EGR3: variants seen among roughly 807,000 people sequenced by gnomAD.
The protein encoded by EGR3 is early growth response protein 3.
EGR3 carries 4 observed loss-of-function variants against 22.4 expected under a neutral mutation model. That is an observed-to-expected ratio of 0.18 (90% CI 0.09 to 0.41). EGR3 has a LOEUF of 0.41. Among genes scored for constraint, EGR3 ranks in the 10% least tolerant of loss-of-function variants. EGR3 has a pLI of 1.00. For synonymous variants in EGR3, 219 were observed against 226.8 expected, an observed-to-expected ratio of 0.97 and a Z score of 0.31; for missense variants, 315 against 541.3, an observed-to-expected ratio of 0.58 and a Z score of 4.15.
rs1324201815 is a variant in EGR3, at chr8:22,691,424, G to A, written c.213C>T (p.Ser71=). The part of the protein sequence containing the change: ...NEKPNPELSY[S]GSFQPAPGNK... ...TGCCGGGGGCTGGCTGGAAGGAGCCGGAGTAAGAGAGTTCCGGGTTGGGCT... is the reference window on the plus strand; with the variant it reads ...TGCCGGGGGCTGGCTGGAAGGAGCCAGAGTAAGAGAGTTCCGGGTTGGGCT... Residue 71 remains serine, a synonymous_variant, in exon 2 of 2, where the codon TCC becomes TCT. Coordinates refer to ENST00000317216, the MANE Select transcript of EGR3 (RefSeq NM_004430.3). The A allele has an allele frequency of 3.1e-6, 5 of 1,614,170 alleles. No homozygotes were observed. Among genetic ancestry groups the A allele is most frequent in the East Asian group, 4.5e-5 (2 of 44,878 alleles).
At position 22,692,768 on chromosome 8, in the gene EGR3, C is replaced by T. The variant is rs993038273; in HGVS notation, c.154+23G>A. 1.2e-6 allele frequency: 2 copies of T among 1,612,490 alleles called. No individual in the cohort carries two copies. Among genetic ancestry groups the T allele is most frequent in the East Asian group, 2.2e-5 (1 of 44,858 alleles). ...CTCTCCCCTTCCTTCCTCGCTGCCT[C>T]GCCGCCTCCCCGCCGCCCTTACCTG... On this transcript the variant is annotated intron_variant, in intron 1 of 1. Coordinates refer to ENST00000317216, the MANE Select transcript of EGR3 (RefSeq NM_004430.3). The surrounding 1 kb of genome is among the most constrained non-coding windows in gnomAD (Gnocchi z 6.2).
Position 22,693,207 on chromosome 8 carries a change from C to A in EGR3, c.-263G>T, listed in dbSNP as rs538996021. On this transcript the variant is annotated 5_prime_UTR_variant, in exon 1 of 2. Transcript: ENST00000317216. ...CAGCTGGTGCGGTATGAGGCTGGGT[C>A]GTGGGGGGGGTGGGGCGTGTGCGGG... 1.5e-5 allele frequency: 1 copy of A among 66,468 alleles called. No individual in the cohort carries two copies. Among genetic ancestry groups the A allele is most frequent in the South Asian group, 3.8e-4 (1 of 2,656 alleles). 4.1% of individuals were successfully genotyped at this position (66,468 alleles called of 1,614,324 possible).
In EGR3 at chr8:22,691,518, G is replaced by A. The variant is rs1310772396; in HGVS notation, c.155-36C>T. On this transcript the variant is annotated intron_variant, in intron 1 of 1. Coordinates refer to ENST00000317216, the MANE Select transcript of EGR3 (RefSeq NM_004430.3). ...CGGGGGAGAGAGGGGAGGGGTGAGTGAAGCCGATCCGGCTCCGGGCCGCGG... is the reference window on the plus strand; with the variant it reads ...CGGGGGAGAGAGGGGAGGGGTGAGTAAAGCCGATCCGGCTCCGGGCCGCGG... 8.7e-6 allele frequency: 14 copies of A among 1,600,688 alleles called. No individual in the cohort carries two copies. In the African/African-American group the frequency reaches 1.7e-4, roughly 20 times the overall value.
chr8:22,693,081 G>C lies in EGR3; in HGVS notation c.-137C>G, dbSNP rs1298169905. On this transcript the variant is annotated 5_prime_UTR_variant, in exon 1 of 2. Coordinates refer to ENST00000317216, the MANE Select transcript of EGR3 (RefSeq NM_004430.3). ...AGCATGCGAGAGGGAAAGTTCGGGG[G>C]GAGGGGGGAGGGAAGAAGGGAAGGG... The C allele has an allele frequency of 6.9e-6, 7 of 1,013,032 alleles. 1 individual carries two copies. Among genetic ancestry groups the C allele is most frequent in the Non-Finnish European group, 8.1e-6 (6 of 737,904 alleles). 62.8% of individuals were successfully genotyped at this position (1,013,032 alleles called of 1,614,324 possible).
chr8:22,692,579 A>C lies in EGR3; in HGVS notation c.154+212T>G. On this transcript the variant is annotated intron_variant, in intron 1 of 1. Coordinates refer to ENST00000317216, the MANE Select transcript of EGR3 (RefSeq NM_004430.3). This position sits in a 1 kb window ranked among gnomAD's most constrained non-coding sequence, Gnocchi z 6.2. Reference sequence around the variant, plus strand: ...GTCGCCAACCTAGCCTTCTCGATCGAGGAGGGCGGGAGGAGTGGGTGGGAA... The same window carrying C: ...GTCGCCAACCTAGCCTTCTCGATCGCGGAGGGCGGGAGGAGTGGGTGGGAA... The C allele has an allele frequency of 7.9e-7, 1 of 1,269,978 alleles. No homozygotes were observed. The highest frequency in any genetic ancestry group is 3.3e-5 in the East Asian group (1 of 30,166). 78.7% of individuals were successfully genotyped at this position (1,269,978 alleles called of 1,614,324 possible).
Position 22,692,858 on chromosome 8 carries a change from G to T in EGR3, c.87C>A (p.Ile29=). 3 of 1,613,388 alleles carry T rather than the reference G, an allele frequency of 1.9e-6. No individual in the cohort carries two copies. Among genetic ancestry groups the T allele is most frequent in the Non-Finnish European group, 2.5e-6 (3 of 1,179,856 alleles). The change falls in exon 1 of 2, where the codon ATC becomes ATA. Residue 29 remains isoleucine (I), a synonymous_variant. Coordinates refer to ENST00000317216, the MANE Select transcript of EGR3 (RefSeq NM_004430.3). The surrounding 1 kb of genome is among the most constrained non-coding windows in gnomAD (Gnocchi z 6.2). ...CGGAGAAGAGGTTGAGCGCGCTGGG[G>T]ATCTCCTCGGGGTACAGATTGTCAG... is the stretch of plus-strand genomic sequence containing the variant. ...QLPDNLYPEE[I]PSALNLFSGS...
In EGR3 at chr8:22,691,018, G is replaced by C; in HGVS notation, c.619C>G (p.Pro207Ala). ...YHHPNDMGSI[P>A]EHKPFQGMDP... is the part of the protein sequence containing the mutation. The stretch of plus-strand genomic sequence containing the variant: ...ATGCCCTGGAAGGGCTTGTGCTCCG[G>C]AATGGAGCCCATGTCGTTGGGGTGG... The change falls in exon 2 of 2, where the codon CCG becomes GCG. Residue 207 changes from proline (P) to alanine (A), a missense_variant. By Grantham distance (27) the Pro-to-Ala change is conservative. Coordinates refer to ENST00000317216, the MANE Select transcript of EGR3 (RefSeq NM_004430.3). The C allele has an allele frequency of 6.3e-7, 1 of 1,594,954 alleles. No individual in the cohort carries two copies. Among genetic ancestry groups the C allele is most frequent in the Non-Finnish European group, 8.6e-7 (1 of 1,168,218 alleles).
chr8:22,692,644 T>A lies in EGR3; in HGVS notation c.154+147A>T, dbSNP rs985835982. ...CCGCAAAATTCCCAGCGCGCCCCCA[T>A]CTCTCCATCCATTTATCTATCCACC... On this transcript the variant is annotated intron_variant, in intron 1 of 1. Transcript: ENST00000317216. This position sits in a 1 kb window ranked among gnomAD's most constrained non-coding sequence, Gnocchi z 6.2. The A allele has an allele frequency of 5.0e-5, 70 of 1,395,706 alleles. 1 individual carries two copies. Among genetic ancestry groups the A allele is most frequent in the South Asian group, 2.2e-4 (15 of 69,408 alleles). 86.5% of individuals were successfully genotyped at this position (1,395,706 alleles called of 1,614,324 possible).
In EGR3 at chr8:22,690,486, G is replaced by T; in HGVS notation, c.1151C>A (p.Thr384Asn). 6.2e-7 allele frequency: 1 copy of T among 1,604,426 alleles called. No individual in the cohort carries two copies. Among genetic ancestry groups the T allele is most frequent in the Non-Finnish European group, 8.5e-7 (1 of 1,174,186 alleles). The change falls in exon 2 of 2, where the codon ACC becomes AAC. Residue 384 changes from threonine to asparagine, a missense_variant. Thr to Asn is a moderately conservative substitution (Grantham distance 65, BLOSUM62 0). Transcript: ENST00000317216. ...GGGGCCCGATCCTCAGGCGCAGGTG[G>T]TGACCACGGGGGCCAGCGACACGGG... is the stretch of plus-strand genomic sequence containing the variant. ...APPVSLAPVV[T>N]TCA
chr8:22,691,558 C>T, intron 1 of EGR3, 76 bp from the exon 2 acceptor site: 1 of 1,556,776 alleles, frequency 6.4e-7, no homozygotes, highest in Admixed American at 1.8e-5. Context: ...CAGGTCCTTG[C>T]CCAGGTGCGG....
At position 22,692,992 on chromosome 8, in the gene EGR3, G is replaced by A. The variant is rs1430537049; in HGVS notation, c.-48C>T. ...CGCCGCCACCGCCGCCACCGCCGCCGCTCGCTCCTAACGCAGCTTCCAGGC... is the reference window on the plus strand; with the variant it reads ...CGCCGCCACCGCCGCCACCGCCGCCACTCGCTCCTAACGCAGCTTCCAGGC... On this transcript the variant is annotated 5_prime_UTR_variant, in exon 1 of 2. Coordinates refer to ENST00000317216, the MANE Select transcript of EGR3 (RefSeq NM_004430.3). The surrounding 1 kb of genome is among the most constrained non-coding windows in gnomAD (Gnocchi z 6.2). 2.5e-6 allele frequency: 4 copies of A among 1,583,120 alleles called. No homozygotes were observed. The highest frequency in any genetic ancestry group is 3.5e-5 in the Admixed American group (2 of 57,782).
In EGR3 at chr8:22,692,827, T is replaced by C; in HGVS notation, c.118A>G (p.Ser40Gly). Residue 40 changes from serine to glycine, a missense_variant, in exon 1 of 2, where the codon AGC becomes GGC. Around this residue, in one of 4 missense-constraint regions of EGR3, gnomAD observed 227 missense variants for 303.6 expected, o/e 0.75. Coordinates refer to ENST00000317216, the MANE Select transcript of EGR3 (RefSeq NM_004430.3). This position sits in a 1 kb window ranked among gnomAD's most constrained non-coding sequence, Gnocchi z 6.2. Reference protein sequence around the residue: ...PSALNLFSGSSDSVVHYNQMA... With the variant: ...PSALNLFSGSGDSVVHYNQMA... ...TGATTGTAATGGACTACCGAGTCGCTGCTGCCGGAGAAGAGGTTGAGCGCG... is the reference window on the plus strand; with the variant it reads ...TGATTGTAATGGACTACCGAGTCGCCGCTGCCGGAGAAGAGGTTGAGCGCG... 6.2e-7 allele frequency: 1 copy of C among 1,613,328 alleles called. No homozygotes were observed. Among genetic ancestry groups the C allele is most frequent in the Non-Finnish European group, 8.5e-7 (1 of 1,179,746 alleles).
chr8:22,690,175 C>T lies in EGR3; in HGVS notation c.*298G>A. ...CTTGCAGGTCCTTGGCGCGGCCCGG[C>T]GGCCCCTGGATCAAGGCGATCCGAA... On this transcript the variant is annotated 3_prime_UTR_variant, in exon 2 of 2. Coordinates refer to ENST00000317216, the MANE Select transcript of EGR3 (RefSeq NM_004430.3). 1 of 428,206 alleles carries T rather than the reference C, an allele frequency of 2.3e-6. No homozygotes were observed. Among genetic ancestry groups the T allele is most frequent in the Non-Finnish European group, 4.2e-6 (1 of 240,306 alleles). 26.5% of individuals were successfully genotyped at this position (428,206 alleles called of 1,614,324 possible). A position where few individuals can be genotyped will look rare whatever the true frequency, so the allele number is the denominator to read the frequency against.
rs900158174 is a variant in EGR3 at position 22,690,418 on chromosome 8, G to C, written c.*55C>G. On this transcript the variant is annotated 3_prime_UTR_variant, in exon 2 of 2. Transcript: ENST00000317216. ...GTGGCTGGCTTTCCCGCTGCTTTCA[G>C]GCTAGCAGCCGGGAGGCACTGGAGG... 6.9e-7 allele frequency: 1 copy of C among 1,451,292 alleles called. No homozygotes were observed. The highest frequency in any genetic ancestry group is 1.4e-5 in the African/African-American group (1 of 71,694). The allele number at this position is 1,451,292 out of a possible 1,614,324, so 89.9% of individuals were successfully genotyped here. A position where few individuals can be genotyped will look rare whatever the true frequency, so the allele number is the denominator to read the frequency against.
In EGR3 at chr8:22,692,620, C is replaced by G. The variant is rs563377390; in HGVS notation, c.154+171G>C. On this transcript the variant is annotated intron_variant, in intron 1 of 1. Transcript: ENST00000317216. This position sits in a 1 kb window ranked among gnomAD's most constrained non-coding sequence, Gnocchi z 6.2. Reference sequence around the variant, plus strand: ...TGGGTGGGAAAAGCAACTCGCCCCCCGCAAAATTCCCAGCGCGCCCCCATC... The same window carrying G: ...TGGGTGGGAAAAGCAACTCGCCCCCGGCAAAATTCCCAGCGCGCCCCCATC... 2 of 1,440,774 alleles carry G rather than the reference C, an allele frequency of 1.4e-6. No homozygotes were observed. Among genetic ancestry groups the G allele is most frequent in the African/African-American group, 1.4e-5 (1 of 70,166 alleles). The allele number at this position is 1,440,774 out of a possible 1,614,324, so 89.2% of individuals were successfully genotyped here.
Position 22,691,578 on chromosome 8 carries a change from C to T in EGR3, c.155-96G>A, listed in dbSNP as rs528372211. 7 of 1,520,068 alleles carry T rather than the reference C, an allele frequency of 4.6e-6. No homozygotes were observed. In the East Asian group the frequency reaches 1.1e-4, roughly 25 times the overall value. 94.2% of individuals were successfully genotyped at this position (1,520,068 alleles called of 1,614,324 possible). A position where few individuals can be genotyped will look rare whatever the true frequency, so the allele number is the denominator to read the frequency against. ...CCTTGCCCAGGTGCGGAGGGTGCGG[C>T]CGGGTGGAGTGCGTAGCGCATGGGG... On this transcript the variant is annotated intron_variant, in intron 1 of 1. Coordinates refer to ENST00000317216, the MANE Select transcript of EGR3 (RefSeq NM_004430.3).
rs900280615 is a variant in EGR3 at position 22,690,249 on chromosome 8, A to T, written c.*224T>A. The T allele has an allele frequency of 7.1e-6, 4 of 566,408 alleles. No homozygotes were observed. Among genetic ancestry groups the T allele is most frequent in the Non-Finnish European group, 1.2e-5 (4 of 320,814 alleles). 35.1% of individuals were successfully genotyped at this position (566,408 alleles called of 1,614,324 possible). Reference sequence around the variant, plus strand: ...ACCTTTCCGCCCCCACGCCTTGGCTAAGTGGGGGACCGCGAGGGGAAGGCG... The same window carrying T: ...ACCTTTCCGCCCCCACGCCTTGGCTTAGTGGGGGACCGCGAGGGGAAGGCG... On this transcript the variant is annotated 3_prime_UTR_variant, in exon 2 of 2. Transcript: ENST00000317216.
rs917395334 is a variant in EGR3 at position 22,692,885 on chromosome 8, C to T, written c.60G>A (p.Leu20=). 1 of 1,613,130 alleles carries T rather than the reference C, an allele frequency of 6.2e-7. No individual in the cohort carries two copies. Among genetic ancestry groups the T allele is most frequent in the East Asian group, 2.2e-5 (1 of 44,788 alleles). ...TCTCCTCGGGGTACAGATTGTCAGGCAGTTGGTTTAGCAAACTGCTCATGG... is the reference window on the plus strand; with the variant it reads ...TCTCCTCGGGGTACAGATTGTCAGGTAGTTGGTTTAGCAAACTGCTCATGG... ...PVTMSSLLNQ[L]PDNLYPEEIP... The change falls in exon 1 of 2, where the codon CTG becomes CTA. Residue 20 remains leucine (L), a synonymous_variant. Transcript: ENST00000317216. This position sits in a 1 kb window ranked among gnomAD's most constrained non-coding sequence, Gnocchi z 6.2.
chr8:22,692,490 C>T lies in EGR3; in HGVS notation c.154+301G>A. The T allele has an allele frequency of 7.0e-7, 1 of 1,428,970 alleles. No homozygotes were observed. Among genetic ancestry groups the T allele is most frequent in the South Asian group, 1.5e-5 (1 of 66,562 alleles). 88.5% of individuals were successfully genotyped at this position (1,428,970 alleles called of 1,614,324 possible). On this transcript the variant is annotated intron_variant, in intron 1 of 1. Transcript: ENST00000317216. This position sits in a 1 kb window ranked among gnomAD's most constrained non-coding sequence, Gnocchi z 6.2. ...GGTGAGGGAGAACCCCAGAGCCGCTCGCACCTACCTCCCTCCGGTCGGCGG... is the reference window on the plus strand; with the variant it reads ...GGTGAGGGAGAACCCCAGAGCCGCTTGCACCTACCTCCCTCCGGTCGGCGG...
Sources: gnomAD v4.1 joint callset for allele counts on GRCh38, gnomAD v4.1.1 for gene constraint, gnomAD v4.1.1 regional missense constraint, Gnocchi (gnomAD v3.1) non-coding constraint, MANE v1.5 for transcripts, NCBI Gene and HGNC (gene_info 2026-07-23, HGNC 2026-07-21) for gene names.